The following SAMMSON variants were observed in gnomAD, a reference collection of about 807,000 sequenced individuals.
SAMMSON encodes the protein survival associated mitochondrial melanoma specific oncogenic non-coding RNA, also known as long intergenic non-protein coding RNA 1212.
At chr3:70,186,872 T>C (rs1701096023) in intron 4 of SAMMSON, among the ~76,000 whole-genome samples, 1 of 152,224 alleles carries the variant, frequency 6.6e-6, no homozygotes, top group Non-Finnish European at 1.5e-5. Flanking sequence ...GGAAGCCCCA[T>C]GACATGTCTG....
At chr3:70,021,902 T>C (rs917031681) in intron 3 of SAMMSON, among the ~76,000 whole-genome samples, 1 of 152,130 alleles carries the variant, frequency 6.6e-6, no homozygotes, top group Non-Finnish European at 1.5e-5. Flanking sequence ...TTAATAATTA[T>C]TTTCAAAGAA....
intron 7 of SAMMSON, among the ~76,000 whole-genome samples, chr3:70,321,773 C>G (rs1022122704): frequency 6.6e-6 from 1 of 151,694 alleles, no homozygotes; most frequent in African/African-American, 2.4e-5. Context: ...TACTATAAGG[C>G]CTTCGCTTAA....
chr3:70,206,810 A>G (rs1457037563), intron 4 of SAMMSON: 4 of 397,242 alleles, frequency 1.0e-5, no homozygotes, highest in Non-Finnish European at 1.8e-5. Flanking sequence ...AAAAGAAAAA[A>G]CACATACAGA....
chr3:70,060,013 G>A (rs1375504105), intron 3 of SAMMSON, among the ~76,000 whole-genome samples: 2 of 152,096 alleles, frequency 1.3e-5, no homozygotes, highest in African/African-American at 4.8e-5. Flanking sequence ...GCTGTAGAAT[G>A]TATGAAAAAA....
At chr3:70,048,535 C>T (rs1020452413) in intron 3 of SAMMSON, among the ~76,000 whole-genome samples, 2 of 152,032 alleles carry the variant, frequency 1.3e-5, no homozygotes, top group Non-Finnish European at 2.9e-5. Context: ...AAGTTTCATC[C>T]TTTATAGGGA....
chr3:70,099,418 C>A (rs1411872809), intron 4 of SAMMSON, among the ~76,000 whole-genome samples: 1 of 152,074 alleles, frequency 6.6e-6, no homozygotes, highest in East Asian at 1.9e-4. Flanking sequence ...TTAAATGACA[C>A]TTCATTGTGT....
intron 4 of SAMMSON, among the ~76,000 whole-genome samples, chr3:70,080,185 C>T (rs983456943): frequency 6.6e-6 from 1 of 152,218 alleles, no homozygotes; most frequent in Non-Finnish European, 1.5e-5. Context: ...TCAGGAGGCA[C>T]TCACTGTCAG....
chr3:70,316,872 ATTAAAAAGGGTG>A, intron 7 of SAMMSON, among the ~76,000 whole-genome samples: 2 of 152,200 alleles, frequency 1.3e-5, no homozygotes, highest in Admixed American at 1.3e-4. Flanking sequence ...ATGCCAGGTC[ATTAAAAAGGGTG>A]CTTATCTTGA....
intron 4 of SAMMSON, among the ~76,000 whole-genome samples, chr3:70,207,587 A>C (rs1701304680): frequency 6.6e-6 from 1 of 152,056 alleles, no homozygotes; most frequent in Non-Finnish European, 1.5e-5. Context: ...TCACATCCCC[A>C]ATACAACAAA....
chr3:70,305,059 G>A (rs567353926), intron 7 of SAMMSON, among the ~76,000 whole-genome samples: 2 of 152,144 alleles, frequency 1.3e-5, no homozygotes, highest in South Asian at 4.2e-4. Flanking sequence ...CTTTCCCACA[G>A]AGAGAACTTC....
intron 6 of SAMMSON, among the ~76,000 whole-genome samples, chr3:70,253,268 T>C (rs951804325): frequency 6.6e-6 from 1 of 152,046 alleles, no homozygotes; most frequent in Non-Finnish European, 1.5e-5. Context: ...GAGGGAGCCA[T>C]GTGGATAGGG....
chr3:70,333,245 C>A (rs1702638562), intron 7 of SAMMSON, among the ~76,000 whole-genome samples: 1 of 152,088 alleles, frequency 6.6e-6, no homozygotes, highest in Non-Finnish European at 1.5e-5. Flanking sequence ...ATTTCCCATC[C>A]TCCTTTGCAC....
intron 2 of SAMMSON, among the ~76,000 whole-genome samples, chr3:70,395,932 G>A (rs1701089260): frequency 6.6e-6 from 1 of 152,104 alleles, no homozygotes; most frequent in South Asian, 2.1e-4. Context: ...CCCTTCCTAT[G>A]AGAAACTTGG....
intron 4 of SAMMSON, chr3:70,094,773 A>C (rs1316699821): frequency 1.3e-5 from 2 of 152,260 alleles, no homozygotes; most frequent in Non-Finnish European, 2.9e-5. Flanking sequence ...CAGCGAGAGA[A>C]AGAGTGAGGC....
At chr3:70,072,664 A>C (rs1226896117) in intron 4 of SAMMSON, 5 of 151,342 alleles carry the variant, frequency 3.3e-5, no homozygotes, top group Middle Eastern at 3.2e-3. Context: ...AAAAAAAAAA[A>C]AACAGAAAAA....
At chr3:70,133,100 G>C (rs2067489302) in intron 4 of SAMMSON, among the ~76,000 whole-genome samples, 1 of 152,132 alleles carries the variant, frequency 6.6e-6, no homozygotes, top group Non-Finnish European at 1.5e-5. Context: ...TGGAATCTCT[G>C]AAGTGATATA....
chr3:70,088,184 G>A (rs1258409422), intron 4 of SAMMSON, among the ~76,000 whole-genome samples: 2 of 152,176 alleles, frequency 1.3e-5, no homozygotes, highest in Admixed American at 6.5e-5. Flanking sequence ...GATAACGATA[G>A]CTTTTCTTTT....
chr3:70,026,841 A>G (rs1395988034), intron 3 of SAMMSON, among the ~76,000 whole-genome samples: 3 of 152,204 alleles, frequency 2.0e-5, no homozygotes, highest in East Asian at 3.8e-4. Context: ...TTATCCTATC[A>G]GTCTTTTCTT....
intron 4 of SAMMSON, among the ~76,000 whole-genome samples, chr3:70,074,260 A>G (rs1042616200): frequency 2.0e-5 from 3 of 152,128 alleles, no homozygotes; most frequent in Non-Finnish European, 4.4e-5. Flanking sequence ...ATAAGATACT[A>G]GAGCCATATT....
Sources: gnomAD v4.1 joint callset for allele counts (sites outside exome capture counted in the v4.1 genomes callset) on GRCh38, gnomAD v4.1.1 for gene constraint, MANE v1.5 for transcripts, NCBI Gene and HGNC (gene_info 2026-07-23, HGNC 2026-07-21) for gene names.